The following NAALADL2 variants were observed in gnomAD, a reference collection of about 807,000 sequenced individuals.
NAALADL2 encodes N-acetylated alpha-linked acidic dipeptidase like 2.
A neutral mutation model predicts 87.2 loss-of-function variants in NAALADL2; 76 were observed. The ratio of observed to expected loss-of-function variants is 0.87; its 90% confidence interval spans 0.72 to 1.05. The LOEUF (loss-of-function observed/expected upper bound fraction) is 1.05, where lower values mean the gene tolerates loss of function less well. Ranked by LOEUF, NAALADL2 falls within the 50% of genes least tolerant of loss-of-function variation. The pLI, the probability that NAALADL2 is intolerant of heterozygous loss-of-function variation, is 0.00. For missense variants in NAALADL2, 1,089 were observed against 945.8 expected (o/e 1.15, Z -1.99); for synonymous variants, 354 against 331.0 (o/e 1.07, Z -0.75).
intron 11 of NAALADL2, among the ~76,000 whole-genome samples, chr3:175,688,176 A>G (rs1736570897): frequency 6.6e-6 from 1 of 152,118 alleles, no homozygotes; most frequent in Non-Finnish European, 1.5e-5. Flanking sequence ...ACATTATTAC[A>G]ATGACTCCGC....
intron 1 of NAALADL2, among the ~76,000 whole-genome samples, chr3:175,044,070 T>A (rs1402911846): frequency 6.6e-6 from 1 of 152,170 alleles, no homozygotes; most frequent in Admixed American, 6.6e-5. Context: ...TTTTATAGTT[T>A]TCATCATACC....
chr3:174,878,090 G>A (rs935463772), intron 1 of NAALADL2, among the ~76,000 whole-genome samples: 3 of 152,030 alleles, frequency 2.0e-5, no homozygotes, highest in Admixed American at 6.6e-5. Context: ...TGGTTACATC[G>A]TGTCTGATTT....
chr3:175,247,305 G>A (rs369209735), intron 3 of NAALADL2, among the ~76,000 whole-genome samples: 1 of 151,818 alleles, frequency 6.6e-6, no homozygotes, highest in South Asian at 2.1e-4. Context: ...ACATAAGTAA[G>A]TGTATTTAGC....
intron 5 of NAALADL2, among the ~76,000 whole-genome samples, chr3:175,414,086 G>A (rs1156425971): frequency 6.6e-6 from 1 of 152,074 alleles, no homozygotes; most frequent in East Asian, 1.9e-4. Flanking sequence ...TAGAGTTGTG[G>A]TTTCAAACAA....
At chr3:175,385,147 A>T (rs1768223921) in intron 5 of NAALADL2, among the ~76,000 whole-genome samples, 1 of 152,096 alleles carries the variant, frequency 6.6e-6, no homozygotes, top group African/African-American at 2.4e-5. Context: ...CTCATACATA[A>T]ATAGACCACA....
chr3:174,710,822 G>A (rs1466414674), intron 2 of NAALADL2, among the ~76,000 whole-genome samples: 2 of 152,120 alleles, frequency 1.3e-5, no homozygotes, highest in African/African-American at 2.4e-5. Flanking sequence ...TTTTTTCCTA[G>A]AGCTTACAGA....
chr3:175,452,230 TC>T (rs1226914527), intron 6 of NAALADL2, among the ~76,000 whole-genome samples: 22 of 150,046 alleles, frequency 1.5e-4, no homozygotes, highest in African/African-American at 4.7e-4. Context: ...GTCTTCAGAT[TC>T]TCTCTCTCTC....
At chr3:175,574,865 A>C (rs550303849) in intron 9 of NAALADL2, among the ~76,000 whole-genome samples, 1 of 152,170 alleles carries the variant, frequency 6.6e-6, no homozygotes, top group South Asian at 2.1e-4. Context: ...GATTGAGTAC[A>C]TACTTTATGC....
intron 3 of NAALADL2, among the ~76,000 whole-genome samples, chr3:175,236,379 C>G (rs1048001502): frequency 3.3e-5 from 5 of 151,498 alleles, no homozygotes; most frequent in Admixed American, 1.3e-4. Context: ...AACCCTGTCT[C>G]TACTAAAAAA....
At chr3:175,019,641 T>C (rs1008661455) in intron 1 of NAALADL2, among the ~76,000 whole-genome samples, 21 of 151,966 alleles carry the variant, frequency 1.4e-4, no homozygotes, top group African/African-American at 4.1e-4. Context: ...TTCACTTCGT[T>C]GACCATTTTC....
chr3:175,410,095 G>A (rs1223554431), intron 5 of NAALADL2, among the ~76,000 whole-genome samples: 1 of 152,024 alleles, frequency 6.6e-6, no homozygotes, highest in Non-Finnish European at 1.5e-5. Context: ...TGTATATCAG[G>A]AAATAAATTT....
intron 2 of NAALADL2, among the ~76,000 whole-genome samples, chr3:174,729,071 C>A (rs1352634338): frequency 6.6e-6 from 1 of 151,968 alleles, no homozygotes; most frequent in East Asian, 1.9e-4. Flanking sequence ...CATAGTCAAT[C>A]TTAATAAAAT....
intron 11 of NAALADL2, 140 bp downstream of exon 11, chr3:175,627,526 C>T: frequency 1.7e-6 from 1 of 577,592 alleles, no homozygotes; most frequent in Non-Finnish European, 3.0e-6. Flanking sequence ...TTTAGTATAT[C>T]CTATTATTTT....
chr3:174,908,503 G>A (rs1175134648), intron 1 of NAALADL2, among the ~76,000 whole-genome samples: 1 of 152,032 alleles, frequency 6.6e-6, no homozygotes, highest in Non-Finnish European at 1.5e-5. Flanking sequence ...TTTTCACTAA[G>A]CCTTGAAAAT....
chr3:175,242,688 C>G (rs1747146470), intron 3 of NAALADL2, among the ~76,000 whole-genome samples: 1 of 152,178 alleles, frequency 6.6e-6, no homozygotes, highest in Non-Finnish European at 1.5e-5. Context: ...CTTGGTCTCA[C>G]TAATATAACA....
chr3:174,964,203 A>G (rs1172496201), intron 1 of NAALADL2, among the ~76,000 whole-genome samples: 2 of 152,144 alleles, frequency 1.3e-5, no homozygotes, highest in African/African-American at 4.8e-5. Context: ...AAAGCACATA[A>G]TCCCCTTTAC....
At chr3:174,701,876 A>G (rs1194563568) in intron 2 of NAALADL2, among the ~76,000 whole-genome samples, 2 of 152,158 alleles carry the variant, frequency 1.3e-5, no homozygotes, top group African/African-American at 4.8e-5. Flanking sequence ...GATTTTTGCA[A>G]TTACAAAAAA....
intron 5 of NAALADL2, among the ~76,000 whole-genome samples, chr3:175,421,074 TAA>T (rs1234486186): frequency 6.6e-6 from 1 of 152,034 alleles, no homozygotes; most frequent in African/African-American, 2.4e-5. Flanking sequence ...AGTTATTCTC[TAA>T]GTTTTCTTTG....
intron 9 of NAALADL2, among the ~76,000 whole-genome samples, chr3:175,473,451 C>A: frequency 6.6e-6 from 1 of 151,680 alleles, no homozygotes; most frequent in East Asian, 1.9e-4. Flanking sequence ...TTTCACAGAA[C>A]AATTTAGAAG....
Sources: gnomAD v4.1 joint callset for allele counts (sites outside exome capture counted in the v4.1 genomes callset) on GRCh38, gnomAD v4.1.1 for gene constraint, MANE v1.5 for transcripts, NCBI Gene and HGNC (gene_info 2026-07-23, HGNC 2026-07-21) for gene names.